Variants in SLC41A3 observed in about 807,000 individuals in gnomAD.
The protein encoded by SLC41A3 is SLC41A1-like 2.
Under a neutral mutation model 45.4 loss-of-function variants are expected in SLC41A3, and 44 were observed. The observed-to-expected ratio is 0.97, with a 90% CI of 0.76 to 1.25. The LOEUF (loss-of-function observed/expected upper bound fraction) is 1.25. Among genes scored for constraint, SLC41A3 ranks in the 50% most tolerant of loss-of-function variants. SLC41A3 has a pLI of 0.00. For missense variants in SLC41A3, 550 were observed against 600.6 expected (o/e 0.92, Z 0.88); for synonymous variants, 256 against 252.4 (o/e 1.01, Z -0.13).
chr3:126,061,097 G>A (rs1195736830), intron 2 of SLC41A3, among the ~76,000 whole-genome samples: 1 of 152,198 alleles, frequency 6.6e-6, no homozygotes, highest in Non-Finnish European at 1.5e-5. Flanking sequence ...GGAACTGCTT[G>A]TTTACCAGGA....
chr3:126,044,644 C>T (rs2107836760), intron 3 of SLC41A3, among the ~76,000 whole-genome samples: 1 of 152,014 alleles, frequency 6.6e-6, no homozygotes, highest in East Asian at 1.9e-4. Flanking sequence ...GCCTGTAATC[C>T]CAGCACTTTG....
chr3:126,097,625 C>G (rs1020175329), intron 1 of SLC41A3, among the ~76,000 whole-genome samples: 5 of 152,236 alleles, frequency 3.3e-5, no homozygotes, highest in East Asian at 1.9e-4. Context: ...GCCCTGGGCT[C>G]TATAAATTTT....
At chr3:126,014,504 T>C (rs1940065979) in intron 8 of SLC41A3, among the ~76,000 whole-genome samples, 1 of 152,220 alleles carries the variant, frequency 6.6e-6, no homozygotes, top group East Asian at 1.9e-4. Context: ...GTTTGGCCAC[T>C]GAAGGCATCC....
intron 1 of SLC41A3, among the ~76,000 whole-genome samples, chr3:126,078,299 T>C (rs1944977138): frequency 6.6e-6 from 1 of 152,162 alleles, no homozygotes; most frequent in African/African-American, 2.4e-5. Flanking sequence ...TAAATTCCTA[T>C]CACATCCTCT....
chr3:126,098,925 C>CTTTTTTTTTTTTTT (rs57262035), intron 1 of SLC41A3, among the ~76,000 whole-genome samples: 413 of 109,582 alleles, frequency 3.8e-3, no homozygotes, highest in African/African-American at 7.9e-3. Flanking sequence ...CATGACCTGG[C>CTTTTTTTTTTTTTT]TTTTTTTTTT....
intron 2 of SLC41A3, among the ~76,000 whole-genome samples, chr3:126,063,949 A>ACCCCTCC (rs1944207338): frequency 9.8e-6 from 1 of 101,996 alleles, no homozygotes; most frequent in Admixed American, 1.2e-4. Flanking sequence ...GCCAGATCCA[A>ACCCCTCC]CCCCCCCCCG....
At chr3:126,053,298 C>T (rs1438526618) in intron 2 of SLC41A3, among the ~76,000 whole-genome samples, 4 of 152,182 alleles carry the variant, frequency 2.6e-5, no homozygotes, top group African/African-American at 7.2e-5. Context: ...GAGGGGAGAC[C>T]ATGTGAAGAC....
chr3:126,052,965 G>T (rs1943436287), intron 2 of SLC41A3, among the ~76,000 whole-genome samples: 2 of 152,200 alleles, frequency 1.3e-5, no homozygotes, highest in African/African-American at 4.8e-5. Flanking sequence ...AAGACGGCGG[G>T]GGAAGCTGAA....
At chr3:126,070,875 T>G (rs1188818197) in intron 1 of SLC41A3, among the ~76,000 whole-genome samples, 1 of 152,090 alleles carries the variant, frequency 6.6e-6, no homozygotes, top group Non-Finnish European at 1.5e-5. Flanking sequence ...TTAGTAACTC[T>G]TTTTACTCTT....
intron 4 of SLC41A3, among the ~76,000 whole-genome samples, chr3:126,028,440 C>A (rs189635333): frequency 2.2e-4 from 33 of 152,372 alleles, no homozygotes; most frequent in African/African-American, 7.9e-4. Context: ...GTTATGCCTG[C>A]GGTTGCACAG....
rs998425733 is a variant in SLC41A3 at position 126,008,827 on chromosome 3, G to C, written c.1159C>G (p.Leu387Val). The change falls in exon 10 of 11, where the codon CTG (leucine) becomes GTG (valine). Residue 387 changes from leucine (L) to valine (V), a missense_variant. Physicochemically the swap from Leu to Val is conservative, Grantham distance 32 (BLOSUM62 1). Coordinates refer to ENST00000360370, the MANE Select transcript of SLC41A3 (RefSeq NM_017836.4). ...AGGTAGATGATGTAGAAGAAAATCA[G>C]ATGGCCTGGGACCACCAGCAAGAGC... Reference protein sequence around the residue: ...VLLLLVVPGHLIFFYIIYLVE... With the variant: ...VLLLLVVPGHVIFFYIIYLVE... 6.2e-7 allele frequency: 1 copy of C among 1,614,068 alleles called. No homozygotes were observed. The highest frequency in any genetic ancestry group is 8.5e-7 in the Non-Finnish European group (1 of 1,180,040).
chr3:126,013,405 C>T (rs958116152), intron 8 of SLC41A3, among the ~76,000 whole-genome samples: 3 of 151,090 alleles, frequency 2.0e-5, no homozygotes, highest in South Asian at 2.1e-4. Context: ...ACTAAAAATA[C>T]AAAAAAAATT....
chr3:126,012,820 T>C (rs1215809463), intron 8 of SLC41A3, 71 bp from the exon 9 acceptor site: 5 of 1,584,052 alleles, frequency 3.2e-6, no homozygotes, highest in Non-Finnish European at 4.3e-6. Flanking sequence ...TTATTTTAAG[T>C]TCCCTTCCTC....
intron 3 of SLC41A3, among the ~76,000 whole-genome samples, chr3:126,041,589 C>A (rs563070212): frequency 6.6e-6 from 1 of 152,228 alleles, no homozygotes; most frequent in Non-Finnish European, 1.5e-5. Flanking sequence ...ATGAACATTG[C>A]ATTCCCTAGC....
chr3:126,046,760 AAG>A (rs56716571), intron 3 of SLC41A3, among the ~76,000 whole-genome samples: 98,349 of 151,094 alleles, frequency 0.65, 33,057 homozygotes, highest in East Asian at 0.82. Context: ...TCAGGAGTTC[AAG>A]ACCAGCCTGG....
chr3:126,022,865 C>A lies in SLC41A3; in HGVS notation c.666G>T (p.Thr222=). 2 of 1,614,168 alleles carry A rather than the reference C, an allele frequency of 1.2e-6. No individual in the cohort carries two copies. Among genetic ancestry groups the A allele is most frequent in the Non-Finnish European group, 1.7e-6 (2 of 1,180,040 alleles). The change falls in exon 6 of 11, where the codon ACG becomes ACT. Residue 222 remains threonine, a synonymous_variant. Transcript: ENST00000360370. ...KLGVNPDNIA[T]PIAASLGDLI... ...GGTCTCCCAGGCTGGCTGCAATGGG[C>A]GTGGCAATGTTGTCTGGGTTGACCC...
Position 126,016,899 on chromosome 3 carries a change from G to A in SLC41A3, c.746-24C>T, listed in dbSNP as rs1022772916. ...ATCTGAAAGGAGAACAGGGACACAC[G>A]CAGCTCATGTGGCCAAGGCCAGCAC... is the stretch of plus-strand genomic sequence containing the variant. On this transcript the variant is annotated intron_variant, in intron 6 of 10. Coordinates refer to ENST00000360370, the MANE Select transcript of SLC41A3 (RefSeq NM_017836.4). 18 of 1,606,008 alleles carry A rather than the reference G, an allele frequency of 1.1e-5. 1 individual carries two copies. Among genetic ancestry groups the A allele is most frequent in the Admixed American group, 8.4e-5 (5 of 59,520 alleles).
At chr3:126,093,035 G>A (rs754748196) in intron 1 of SLC41A3, among the ~76,000 whole-genome samples, 26 of 152,250 alleles carry the variant, frequency 1.7e-4, no homozygotes, top group South Asian at 8.3e-4. Context: ...CACCTCAAGC[G>A]ACCGCTTTCA....
intron 2 of SLC41A3, among the ~76,000 whole-genome samples, chr3:126,052,921 T>C (rs1943430378): frequency 6.6e-6 from 1 of 152,194 alleles, no homozygotes; most frequent in Admixed American, 6.5e-5. Flanking sequence ...ACCTGCTCCA[T>C]GCTCCCGGGG....
Sources: allele counts gnomAD v4.1 joint callset (sites outside exome capture counted in the v4.1 genomes callset), GRCh38; gene constraint gnomAD v4.1.1; transcripts MANE v1.5; gene names NCBI Gene and HGNC (gene_info 2026-07-23, HGNC 2026-07-21).